DNAH9: variants seen among roughly 807,000 people sequenced by gnomAD.
The protein encoded by DNAH9 is DNAH9 variant protein.
A neutral mutation model predicts 471.6 loss-of-function variants in DNAH9; 345 were observed. That is an observed-to-expected ratio of 0.73 (90% CI 0.67 to 0.80). The LOEUF (loss-of-function observed/expected upper bound fraction) is 0.80. DNAH9 is among the 30% of genes least tolerant of loss of function. DNAH9 has a pLI of 0.00. For synonymous variants in DNAH9, 2,093 were observed against 2,123.6 expected, an observed-to-expected ratio of 0.99 and a Z score of 0.40; for missense variants, 5,407 against 5,609.2, an observed-to-expected ratio of 0.96 and a Z score of 1.15.
In DNAH9 at chr17:11,886,868, G is replaced by A. The variant is rs560518851; in HGVS notation, c.11015G>A (p.Arg3672Gln). Reference protein sequence around the residue: ...KVTEVKINEAREHYRPAAARA... With the variant: ...KVTEVKINEAQEHYRPAAARA... Reference sequence around the variant, plus strand: ...ACTGAAGTGAAAATCAACGAGGCCCGAGAGCACTACCGGCCAGCAGCTGCC... The same window carrying A: ...ACTGAAGTGAAAATCAACGAGGCCCAAGAGCACTACCGGCCAGCAGCTGCC... The change falls in exon 57 of 69, where the codon CGA (arginine) becomes CAA (glutamine). Residue 3672 changes from arginine (R) to glutamine (Q), a missense_variant. By Grantham distance (43) the Arg-to-Gln change is conservative. Coordinates refer to ENST00000262442, the MANE Select transcript of DNAH9 (RefSeq NM_001372.4). The A allele has an allele frequency of 8.1e-5, 130 of 1,612,736 alleles. 1 individual carries two copies. The South Asian group carries it at 1.1e-3, about 13-fold the overall frequency.
chr17:11,899,141 T>A (rs1352422760), intron 59 of DNAH9, among the ~76,000 whole-genome samples: 1 of 150,352 alleles, frequency 6.7e-6, no homozygotes, highest in South Asian at 2.1e-4. Flanking sequence ...GATTTTAGCC[T>A]AAAGAAACAA....
chr17:11,854,378 G>T lies in DNAH9; in HGVS notation c.9883G>T (p.Asp3295Tyr). 1.2e-6 allele frequency: 2 copies of T among 1,614,050 alleles called. No individual in the cohort carries two copies. The highest frequency in any genetic ancestry group is 1.7e-6 in the Non-Finnish European group (2 of 1,180,018). ...KRQALNKATA[D>Y]LTAAQEKLAA... ...CCAGGCACTGAACAAAGCCACCGCG[G>T]ACCTCACAGCTGCCCAGGAGAAGCT... is the stretch of plus-strand genomic sequence containing the variant. The change falls in exon 50 of 69, where the codon GAC (aspartate) becomes TAC (tyrosine). Residue 3295 changes from aspartate (D) to tyrosine (Y), a missense_variant. By Grantham distance (160) the Asp-to-Tyr change is radical (BLOSUM62 -3). Transcript: ENST00000262442.
intron 15 of DNAH9, among the ~76,000 whole-genome samples, chr17:11,668,379 CTTG>C (rs946342212): frequency 9.9e-5 from 15 of 152,026 alleles, no homozygotes; most frequent in Non-Finnish European, 1.9e-4. Flanking sequence ...AAATCAACCT[CTTG>C]TTGGCTGGGC....
chr17:11,611,388 C>T (rs1350474694), intron 3 of DNAH9, among the ~76,000 whole-genome samples: 1 of 152,212 alleles, frequency 6.6e-6, no homozygotes, highest in Non-Finnish European at 1.5e-5. Flanking sequence ...GAGCTAATGA[C>T]CTCCAGCTGC....
chr17:11,886,471 C>T (rs1279238374), intron 56 of DNAH9, among the ~76,000 whole-genome samples: 1 of 151,232 alleles, frequency 6.6e-6, no homozygotes, highest in African/African-American at 2.4e-5. Flanking sequence ...CCTGGATTTC[C>T]ACTGCTTGGC....
Position 11,871,611 on chromosome 17 carries a change from C to T in DNAH9, c.10067C>T (p.Ala3356Val), listed in dbSNP as rs1440077903. 6.2e-7 allele frequency: 1 copy of T among 1,613,708 alleles called. No homozygotes were observed. ...SLANRLVGGL[A>V]SENVRWADAV... ...TTGAAATGGTAGGTTGGAGGACTCG[C>T]TTCTGAAAACGTGAGGTGGGCAGAT... Residue 3356 changes from alanine to valine, a missense_variant, in exon 52 of 69, where the codon GCT becomes GTT. By Grantham distance (64) the Ala-to-Val change is moderately conservative. Around this residue, in one of 3 missense-constraint regions of DNAH9, gnomAD observed 4,636 missense variants for 4,900.3 expected, o/e 0.95. Coordinates refer to ENST00000262442, the MANE Select transcript of DNAH9 (RefSeq NM_001372.4).
At chr17:11,667,241 GTATA>G (rs58205461) in intron 15 of DNAH9, among the ~76,000 whole-genome samples, 3 of 152,042 alleles carry the variant, frequency 2.0e-5, no homozygotes, top group African/African-American at 2.4e-5. Context: ...TATGTCATGA[GTATA>G]TATATAAAGC....
rs112063494 is a variant in DNAH9, at chr17:11,631,640, CAA to C, written c.1519-934_1519-933del. 3.1e-3 allele frequency among the ~76,000 whole-genome samples: 355 copies of C among 114,768 alleles called. 1 individual carries two copies. The highest frequency in any genetic ancestry group is 5.5e-3 in the Non-Finnish European group (287 of 52,290). The allele number at this position is 114,768 out of a possible 152,430, so 75.3% of individuals were successfully genotyped here. ...TGGGTGACAGAGTGAGACTCTGTCT[CAA>C]AAAAAAAAAAAAGCAGACCACAAAG... On this transcript the variant is annotated intron_variant, in intron 7 of 68. Transcript: ENST00000262442.
At position 11,939,718 on chromosome 17, in the gene DNAH9, C is replaced by T. The variant is rs79892854; in HGVS notation, c.12660+2196C>T. ...CATGAACTCTTGACTCAATTCTGTT[C>T]CCATGTTTACATCTATATGAAGGGA... On this transcript the variant is annotated intron_variant, in intron 66 of 68. Coordinates refer to ENST00000262442, the MANE Select transcript of DNAH9 (RefSeq NM_001372.4). Among the ~76,000 whole-genome samples, 23 of 152,126 alleles carry T rather than the reference C, an allele frequency of 1.5e-4. No individual in the cohort carries two copies. The East Asian group carries it at 4.2e-3, about 28-fold the overall frequency.
chr17:11,834,995 A>T, intron 49 of DNAH9, 97 bp downstream of exon 49: 7 of 1,476,506 alleles, frequency 4.7e-6, no homozygotes, highest in Non-Finnish European at 6.3e-6. Context: ...CAATGTTGGG[A>T]GAGTTTAGGG....
chr17:11,934,435 A>ATT lies in DNAH9; in HGVS notation c.12489+391_12489+392dup, dbSNP rs547023975. 4.8e-3 allele frequency among the ~76,000 whole-genome samples: 416 copies of ATT among 85,992 alleles called. 58 individuals carry two copies. Among genetic ancestry groups the ATT allele is most frequent in the African/African-American group, 0.015 (314 of 21,618 alleles). 56.4% of individuals were successfully genotyped at this position (85,992 alleles called of 152,430 possible). On this transcript the variant is annotated intron_variant, in intron 65 of 68. Coordinates refer to ENST00000262442, the MANE Select transcript of DNAH9 (RefSeq NM_001372.4). ...TTTCACTTGGGATGTTGACAAACCCATTTTTTTTTTTTTTTTTTTTTTTTT... is the reference window on the plus strand; with the variant it reads ...TTTCACTTGGGATGTTGACAAACCCATTTTTTTTTTTTTTTTTTTTTTTTTTT...
At chr17:11,663,429 G>A (rs940840688) in intron 14 of DNAH9, among the ~76,000 whole-genome samples, 1 of 152,170 alleles carries the variant, frequency 6.6e-6, no homozygotes, top group African/African-American at 2.4e-5. Context: ...TGGGTAGAAA[G>A]CCAGGTGGTG....
chr17:11,738,679 C>T (rs1449452075), intron 28 of DNAH9, among the ~76,000 whole-genome samples: 2 of 152,166 alleles, frequency 1.3e-5, no homozygotes, highest in Non-Finnish European at 2.9e-5. Flanking sequence ...CTGTGCCTAG[C>T]AGTGGCCAGA....
At chr17:11,936,333 G>A (rs3785946) in intron 65 of DNAH9, among the ~76,000 whole-genome samples, 37,408 of 151,992 alleles carry the variant, frequency 0.25, 5,495 homozygotes, top group Non-Finnish European at 0.33. Flanking sequence ...ATGAAGAGGC[G>A]CTCAAAACAT....
rs369461626 is a variant in DNAH9, at chr17:11,859,890, G to A, written c.9933+5462G>A. Among the ~76,000 whole-genome samples, 10 of 152,216 alleles carry A rather than the reference G, an allele frequency of 6.6e-5. No individual in the cohort carries two copies. The South Asian group carries it at 2.1e-3, about 32-fold the overall frequency. On this transcript the variant is annotated intron_variant, in intron 50 of 68. Coordinates refer to ENST00000262442, the MANE Select transcript of DNAH9 (RefSeq NM_001372.4). Reference sequence around the variant, plus strand: ...CCACCAGGCCCCACTTCCAACACTGGGAATCGCATTTCAACCTGAGATTTG... The same window carrying A: ...CCACCAGGCCCCACTTCCAACACTGAGAATCGCATTTCAACCTGAGATTTG...
chr17:11,725,368 A>G (rs2075133337), intron 27 of DNAH9, among the ~76,000 whole-genome samples: 1 of 152,114 alleles, frequency 6.6e-6, no homozygotes, highest in African/African-American at 2.4e-5. Flanking sequence ...GTTATTGCTC[A>G]TTGTCTGTTT....
rs762206003 is a variant in DNAH9 at position 11,944,449 on chromosome 17, G to A, written c.12843+1964G>A. Among the ~76,000 whole-genome samples the A allele has an allele frequency of 2.6e-5, 4 of 152,282 alleles. No homozygotes were observed. In the East Asian group the frequency reaches 5.8e-4, roughly 22 times the overall value. ...TGACAGGTGATCACAAAAGGCAGGG[G>A]CTCCTAGAGGCACAGGGCAGAGCAG... On this transcript the variant is annotated intron_variant, in intron 67 of 68. Coordinates refer to ENST00000262442, the MANE Select transcript of DNAH9 (RefSeq NM_001372.4).
chr17:11,785,808 A>G (rs1968847772), intron 41 of DNAH9, among the ~76,000 whole-genome samples: 1 of 152,226 alleles, frequency 6.6e-6, no homozygotes, highest in Non-Finnish European at 1.5e-5. Flanking sequence ...CCTGGCCTGG[A>G]CGACTTTCCA....
chr17:11,773,814 T>C (rs1276604530), intron 38 of DNAH9, among the ~76,000 whole-genome samples: 2 of 152,212 alleles, frequency 1.3e-5, no homozygotes, highest in African/African-American at 4.8e-5. Context: ...AGCATTATGC[T>C]AAATGGAACT....
Sources: gnomAD v4.1 joint callset for allele counts (sites outside exome capture counted in the v4.1 genomes callset) on GRCh38, gnomAD v4.1.1 for gene constraint, gnomAD v4.1.1 regional missense constraint, MANE v1.5 for transcripts, NCBI Gene and HGNC (gene_info 2026-07-23, HGNC 2026-07-21) for gene names.